KAT8: variants seen among roughly 807,000 people sequenced by gnomAD.
KAT8 encodes histone acetyltransferase KAT8.
In KAT8, 40 loss-of-function variants were observed where a neutral mutation model predicts 62.9. The ratio of observed to expected loss-of-function variants is 0.64; its 90% CI spans 0.49 to 0.83. The LOEUF (loss-of-function observed/expected upper bound fraction) is 0.83, where lower values mean the gene tolerates loss of function less well. KAT8 is among the 40% of genes least tolerant of loss of function. The pLI is 0.00. For synonymous variants in KAT8, 278 were observed against 254.5 expected, an observed-to-expected ratio of 1.09 and a Z score of -0.88; for missense variants, 387 against 614.8, an observed-to-expected ratio of 0.63 and a Z score of 3.92.
intron 3 of KAT8, chr16:31,126,604 G>A (rs1157434963): frequency 1.6e-5 from 3 of 186,088 alleles, no homozygotes; most frequent in Non-Finnish European, 3.4e-5. Flanking sequence ...TGGGGCAGTC[G>A]CATGGGCAGG....
Position 31,117,894 on chromosome 16 carries a change from T to G in KAT8, c.211+2T>G. The G allele has an allele frequency of 7.8e-7, 1 of 1,288,490 alleles. No individual in the cohort carries two copies. Among genetic ancestry groups the G allele is most frequent in the Non-Finnish European group, 9.9e-7 (1 of 1,011,432 alleles). 79.8% of individuals were successfully genotyped at this position (1,288,490 alleles called of 1,614,324 possible). Reference sequence around the variant, plus strand: ...GCCGGCGACCGGATAGCACCTGGCGTGAGGGCGGGGCCCAGGGCTGGGGGC... The same window carrying G: ...GCCGGCGACCGGATAGCACCTGGCGGGAGGGCGGGGCCCAGGGCTGGGGGC... On this transcript the variant is annotated splice_donor_variant, in intron 1 of 10. Transcript: ENST00000219797. LOFTEE classifies it high-confidence loss of function.
In KAT8 at chr16:31,127,356, G is replaced by GAGGCTGGGC. The variant is rs747671993; in HGVS notation, c.681+4_681+12dup. 5.1e-5 allele frequency: 82 copies of GAGGCTGGGC among 1,613,906 alleles called. No homozygotes were observed. Among genetic ancestry groups the GAGGCTGGGC allele is most frequent in the Non-Finnish European group, 6.7e-5 (79 of 1,180,012 alleles). On this transcript the variant is annotated splice_donor_region_variant and intron_variant, in intron 5 of 10. Transcript: ENST00000219797. ...AGAAGAGCTACCGCTTCCACTTGGT[G>GAGGCTGGGC]AGGCTGGGCCGGCCGGGCCGAGCTG... is the stretch of plus-strand genomic sequence containing the variant.
chr16:31,123,210 A>T (rs187490866), intron 3 of KAT8, among the ~76,000 whole-genome samples: 25 of 152,278 alleles, frequency 1.6e-4, no homozygotes, highest in Admixed American at 9.2e-4. Context: ...ATCATTTTTT[A>T]AAAAAATTTT....
In KAT8 at chr16:31,127,118, TC is replaced by T. The variant is rs538486705; in HGVS notation, c.516+35del. 1.4e-3 allele frequency: 2,234 copies of T among 1,613,750 alleles called. 9 individuals are homozygous for T. The highest frequency in any genetic ancestry group is 6.4e-3 in the South Asian group (579 of 91,052). On this transcript the variant is annotated intron_variant, in intron 4 of 10. Coordinates refer to ENST00000219797, the MANE Select transcript of KAT8 (RefSeq NM_032188.3). Reference sequence around the variant, plus strand: ...GTGGGGCTGGGAAGCTGCCTGCAGGTCCCCCGTCTCCCCTTGCCGAGGAGCC... The same window carrying T: ...GTGGGGCTGGGAAGCTGCCTGCAGGTCCCCGTCTCCCCTTGCCGAGGAGCC...
At position 31,130,267 on chromosome 16, in the gene KAT8, GAGA is replaced by G; in HGVS notation, c.916_918del (p.Lys306del). 6.2e-7 allele frequency: 1 copy of G among 1,614,144 alleles called. No homozygotes were observed. The highest frequency in any genetic ancestry group is 1.3e-5 in the African/African-American group (1 of 75,042). On this transcript the variant is annotated inframe_deletion and splice_region_variant, in exon 8 of 11. Coordinates refer to ENST00000219797, the MANE Select transcript of KAT8 (RefSeq NM_032188.3). ...GGCCCTGAGCACCTGCCTCCTGCAG[GAGA>G]AGGAGTCCCCGGATGGAAACAATGT... is the stretch of plus-strand genomic sequence containing the variant.
intron 3 of KAT8, among the ~76,000 whole-genome samples, chr16:31,121,370 C>T (rs2057492189): frequency 6.6e-6 from 1 of 152,100 alleles, no homozygotes; most frequent in African/African-American, 2.4e-5. Flanking sequence ...ATCTGCCCAC[C>T]TCGGCCTCCC....
chr16:31,122,990 T>C (rs1596819975), intron 3 of KAT8, among the ~76,000 whole-genome samples: 1 of 151,282 alleles, frequency 6.6e-6, no homozygotes, highest in East Asian at 2.0e-4. Context: ...GAGACCAGCC[T>C]GGCCAACATG....
chr16:31,121,902 C>T (rs2057496332), intron 3 of KAT8, among the ~76,000 whole-genome samples: 1 of 152,044 alleles, frequency 6.6e-6, no homozygotes, highest in African/African-American at 2.4e-5. Flanking sequence ...TAGGCACGTG[C>T]CACCATGCCC....
In KAT8 at chr16:31,119,642, G is replaced by C. The variant is rs1424472936; in HGVS notation, c.212-544G>C. On this transcript the variant is annotated intron_variant, in intron 1 of 10. Transcript: ENST00000219797. ...AGCCTCAGTTTTGTTCTGTTTTTTG[G>C]GGTTCTTTTTTTTGAGACAGAGTCT... Among the ~76,000 whole-genome samples the C allele has an allele frequency of 2.0e-5, 3 of 151,782 alleles. No homozygotes were observed. In the East Asian group the frequency reaches 5.8e-4, roughly 29 times the overall value.
intron 1 of KAT8, chr16:31,118,448 C>CTAAA (rs1208034788): frequency 6.6e-6 from 1 of 152,390 alleles, no homozygotes; most frequent in Non-Finnish European, 1.5e-5. Context: ...ACCACACGCC[C>CTAAA]TTTACCACCT....
At chr16:31,120,710 C>T in intron 3 of KAT8, 196 bp downstream of exon 3, 1 of 538,500 alleles carries the variant, frequency 1.9e-6, no homozygotes, top group Non-Finnish European at 3.3e-6. Context: ...GGCTTCGCTG[C>T]AGTCTCACAG....
At position 31,130,910 on chromosome 16, in the gene KAT8, G is replaced by T. The variant is rs961482807; in HGVS notation, c.1312+10G>T. ...AAACCACCCATCACAGGTGGGTGGG[G>T]GGCTGCTGTGTGTCGGGGGCGGTGG... On this transcript the variant is annotated intron_variant, in intron 10 of 10. Transcript: ENST00000219797. The T allele has an allele frequency of 6.2e-7, 1 of 1,610,476 alleles. No individual in the cohort carries two copies. Among genetic ancestry groups the T allele is most frequent in the Non-Finnish European group, 8.5e-7 (1 of 1,179,216 alleles).
intron 3 of KAT8, among the ~76,000 whole-genome samples, chr16:31,124,239 A>G (rs1255392224): frequency 6.6e-6 from 1 of 152,236 alleles, no homozygotes; most frequent in Non-Finnish European, 1.5e-5. Flanking sequence ...GCTGAGTACC[A>G]GTTCTGTGAC....
At chr16:31,131,132 G>A (rs1354124225) in intron 10 of KAT8, 63 bp from the exon 11 acceptor site, 9 of 1,600,746 alleles carry the variant, frequency 5.6e-6, no homozygotes, top group Non-Finnish European at 7.7e-6. Context: ...CCAGAGGAGG[G>A]CAGCCAGGTG....
At chr16:31,124,717 G>A (rs2057520862) in intron 3 of KAT8, among the ~76,000 whole-genome samples, 1 of 138,360 alleles carries the variant, frequency 7.2e-6, no homozygotes, top group Admixed American at 7.6e-5. Context: ...GGGCGACAGG[G>A]CGAGGCTCCA....
intron 7 of KAT8, 22 bp from the exon 8 acceptor site, chr16:31,130,245 C>T (rs1429427756): frequency 8.1e-6 from 13 of 1,613,482 alleles, no homozygotes; most frequent in Non-Finnish European, 3.4e-6. Context: ...CCCCAGCGGC[C>T]CTGAGCACCT....
intron 3 of KAT8, chr16:31,123,633 A>C (rs1467078627): frequency 2.0e-5 from 3 of 152,234 alleles, no homozygotes; most frequent in Admixed American, 6.5e-5. Context: ...CAGCCTCCCA[A>C]GTATCTGAGA....
chr16:31,124,553 G>A (rs2057519940), intron 3 of KAT8, among the ~76,000 whole-genome samples: 1 of 152,082 alleles, frequency 6.6e-6, no homozygotes, highest in Non-Finnish European at 1.5e-5. Context: ...CCAACATGGT[G>A]AAACCCTGTC....
At chr16:31,123,949 C>T (rs1042753898) in intron 3 of KAT8, 7 of 152,146 alleles carry the variant, frequency 4.6e-5, no homozygotes, top group African/African-American at 1.7e-4. Context: ...GATAACGGGC[C>T]AGTGGTGATA....
Sources: gnomAD v4.1 joint callset for allele counts (sites outside exome capture counted in the v4.1 genomes callset) on GRCh38, gnomAD v4.1.1 for gene constraint, MANE v1.5 for transcripts, NCBI Gene and HGNC (gene_info 2026-07-23, HGNC 2026-07-21) for gene names.